Variants in LYPD6 observed in about 807,000 individuals in gnomAD.
LYPD6 encodes LY6/PLAUR domain containing 6, also known as ly6/PLAUR domain-containing protein 6.
A neutral mutation model predicts 22.7 loss-of-function variants in LYPD6; 15 were observed. That is an observed-to-expected ratio of 0.66 (90% confidence interval 0.44 to 1.02). The LOEUF (loss-of-function observed/expected upper bound fraction) is 1.02, where lower values mean the gene tolerates loss of function less well. Ranked by LOEUF, LYPD6 falls within the 50% of genes least tolerant of loss-of-function variation. The pLI, the probability that LYPD6 is intolerant of heterozygous loss-of-function variation, is 0.00. For synonymous variants in LYPD6, 72 were observed against 77.5 expected (o/e 0.93, Z 0.37); for missense variants, 189 against 208.4 (o/e 0.91, Z 0.57).
At chr2:149,391,350 T>C (rs1682304551) in intron 1 of LYPD6, among the ~76,000 whole-genome samples, 1 of 152,226 alleles carries the variant, frequency 6.6e-6, no homozygotes, top group African/African-American at 2.4e-5. Flanking sequence ...GAGCTTTTTC[T>C]TATTCCAACT....
downstream of LYPD6, among the ~76,000 whole-genome samples, chr2:149,477,743 C>A (rs370472217): frequency 2.6e-5 from 4 of 151,502 alleles, no homozygotes; most frequent in African/African-American, 9.7e-5. Context: ...TTGAAAACAA[C>A]CAGAGTATAA....
intron 1 of LYPD6, among the ~76,000 whole-genome samples, chr2:149,382,047 CA>C (rs1177633563): frequency 3.9e-5 from 6 of 152,120 alleles, no homozygotes; most frequent in Non-Finnish European, 7.4e-5. Flanking sequence ...TGAGTTTCAC[CA>C]TTTTTCAGTT....
intron 1 of LYPD6, among the ~76,000 whole-genome samples, chr2:149,344,699 T>C (rs527866996): frequency 6.6e-6 from 1 of 152,308 alleles, no homozygotes; most frequent in East Asian, 1.9e-4. Flanking sequence ...AGATTCACCC[T>C]TGACTTGATG....
chr2:149,394,630 A>C (rs563992652), intron 1 of LYPD6, among the ~76,000 whole-genome samples: 8 of 151,940 alleles, frequency 5.3e-5, no homozygotes, highest in South Asian at 2.1e-4. Context: ...TCTTTCATAT[A>C]TCTCTCTCTC....
intron 1 of LYPD6, among the ~76,000 whole-genome samples, chr2:149,410,488 A>G (rs1465933979): frequency 6.6e-6 from 1 of 152,158 alleles, no homozygotes; most frequent in Non-Finnish European, 1.5e-5. Flanking sequence ...ACTAAGGTGC[A>G]GTTTACCCCT....
At chr2:149,417,586 G>A (rs1682992109) in intron 1 of LYPD6, among the ~76,000 whole-genome samples, 1 of 152,120 alleles carries the variant, frequency 6.6e-6, no homozygotes, top group Non-Finnish European at 1.5e-5. Flanking sequence ...CAATTCTGGG[G>A]TTTGGGGGTC....
At chr2:149,437,514 C>G in intron 1 of LYPD6, 124 bp from the exon 2 acceptor site, 1 of 701,984 alleles carries the variant, frequency 1.4e-6, no homozygotes, top group Non-Finnish European at 2.3e-6. Flanking sequence ...AGTTTCTCTC[C>G]ATGTCTACCC....
At chr2:149,374,708 C>G (rs951385953) in intron 1 of LYPD6, among the ~76,000 whole-genome samples, 2 of 152,104 alleles carry the variant, frequency 1.3e-5, no homozygotes, top group Non-Finnish European at 1.5e-5. Context: ...CTGCTGGTGT[C>G]AACAGGGAGG....
At chr2:149,455,322 G>A (rs961447556) in intron 3 of LYPD6, among the ~76,000 whole-genome samples, 4 of 146,060 alleles carry the variant, frequency 2.7e-5, no homozygotes, top group Non-Finnish European at 5.9e-5. Context: ...GCAGTGGCAC[G>A]ATCTCAGCTC....
At chr2:149,373,730 G>A (rs957065510) in intron 1 of LYPD6, among the ~76,000 whole-genome samples, 5 of 152,248 alleles carry the variant, frequency 3.3e-5, no homozygotes, top group East Asian at 1.9e-4. Context: ...GAAGCCACAC[G>A]GTAGTGAAAC....
rs1040386566 is a variant in LYPD6, at chr2:149,437,660, C to G, written c.-49C>G. On this transcript the variant is annotated 5_prime_UTR_variant, in exon 2 of 5. Transcript: ENST00000334166. ...CAGGTGCAAGTTCTCTCCTGTTGCC[C>G]TGAGTGCCCACTCCCAGGCCCTCTG... 3 of 1,606,654 alleles carry G rather than the reference C, an allele frequency of 1.9e-6. No homozygotes were observed. Among genetic ancestry groups the G allele is most frequent in the South Asian group, 1.1e-5 (1 of 90,776 alleles).
chr2:149,373,018 C>T (rs1249267368), intron 1 of LYPD6, among the ~76,000 whole-genome samples: 1 of 152,140 alleles, frequency 6.6e-6, no homozygotes, highest in African/African-American at 2.4e-5. Context: ...GAGTAGCTCT[C>T]TCTGGTTGTT....
chr2:149,464,146 AT>A (rs1681151371), intron 3 of LYPD6: 3 of 412,826 alleles, frequency 7.3e-6, no homozygotes, highest in South Asian at 1.8e-5. Flanking sequence ...ACACAAAAAA[AT>A]CAATTGTTTT....
At chr2:149,447,438 G>A (rs1683713311) in intron 2 of LYPD6, among the ~76,000 whole-genome samples, 1 of 152,196 alleles carries the variant, frequency 6.6e-6, no homozygotes. Flanking sequence ...TAGTCCTCAG[G>A]CTAGAACTGG....
intron 1 of LYPD6, among the ~76,000 whole-genome samples, chr2:149,381,876 C>T (rs187134292): frequency 6.6e-6 from 1 of 152,252 alleles, no homozygotes; most frequent in Admixed American, 6.5e-5. Flanking sequence ...TTCTTTCCTT[C>T]TGTTAATATT....
chr2:149,426,859 G>T (rs1683198875), intron 1 of LYPD6, among the ~76,000 whole-genome samples: 1 of 152,160 alleles, frequency 6.6e-6, no homozygotes, highest in African/African-American at 2.4e-5. Flanking sequence ...AGAATGAACT[G>T]ATCTCAAAGC....
intron 1 of LYPD6, among the ~76,000 whole-genome samples, chr2:149,424,801 C>T (rs1188393762): frequency 1.3e-5 from 2 of 152,166 alleles, no homozygotes; most frequent in Non-Finnish European, 2.9e-5. Flanking sequence ...AGGCAGGCAC[C>T]AGATCATGGG....
At chr2:149,463,620 G>A (rs1681135085) in intron 3 of LYPD6, among the ~76,000 whole-genome samples, 1 of 152,100 alleles carries the variant, frequency 6.6e-6, no homozygotes, top group Admixed American at 6.6e-5. Flanking sequence ...TCTCTAAACT[G>A]GAAACAAACC....
intron 1 of LYPD6, 39 bp from the exon 2 acceptor site, chr2:149,437,599 C>G: frequency 6.5e-7 from 1 of 1,545,438 alleles, no homozygotes; most frequent in South Asian, 1.2e-5. Context: ...GTGGCTTTCT[C>G]CAGTCGATCA....
Sources: gnomAD v4.1 joint callset for allele counts (sites outside exome capture counted in the v4.1 genomes callset) on GRCh38, gnomAD v4.1.1 for gene constraint, MANE v1.5 for transcripts, NCBI Gene and HGNC (gene_info 2026-07-23, HGNC 2026-07-21) for gene names.